Variants in HTR1F observed in about 807,000 individuals in gnomAD.
HTR1F encodes the protein 5-hydroxytryptamine receptor 1F.
A neutral mutation model predicts 24.0 loss-of-function variants in HTR1F; 17 were observed. The ratio of observed to expected loss-of-function variants is 0.71; its 90% CI spans 0.48 to 1.06. HTR1F has a LOEUF of 1.06. Ranked by LOEUF, HTR1F falls within the 50% of genes least tolerant of loss-of-function variation. The probability of loss-of-function intolerance (pLI) is 0.00; values close to 1 mark genes in which losing one functional copy is unlikely to be tolerated. For missense variants in HTR1F, 391 were observed against 427.8 expected (o/e 0.91, Z 0.76); for synonymous variants, 186 against 156.8 (o/e 1.19, Z -1.39).
intron 2 of HTR1F, among the ~76,000 whole-genome samples, chr3:87,978,935 A>AGGAAGGAAGGAAGGAAGG (rs1705462564): frequency 1.8e-5 from 2 of 110,626 alleles, no homozygotes; most frequent in African/African-American, 7.2e-5. Flanking sequence ...GAAGGAAGGA[A>AGGAAGGAAGGAAGGAAGG]AAGAGAGAGA....
At chr3:87,944,315 C>A (rs905869530) in intron 2 of HTR1F, among the ~76,000 whole-genome samples, 11 of 152,260 alleles carry the variant, frequency 7.2e-5, no homozygotes, top group Non-Finnish European at 1.3e-4. Flanking sequence ...TGTAGGTAAC[C>A]TTTTGAGTCA....
chr3:87,988,966 A>T (rs1705742565), intron 2 of HTR1F, among the ~76,000 whole-genome samples: 1 of 152,154 alleles, frequency 6.6e-6, no homozygotes, highest in South Asian at 2.1e-4. Context: ...TAAGTATTTT[A>T]AAGTATTAAT....
At chr3:87,824,442 A>G (rs1331010832) in intron 2 of HTR1F, among the ~76,000 whole-genome samples, 2 of 152,184 alleles carry the variant, frequency 1.3e-5, no homozygotes, top group Non-Finnish European at 2.9e-5. Flanking sequence ...CACTCTTCAT[A>G]GTGCATTATC....
chr3:87,796,207 G>A (rs935402568), intron 1 of HTR1F, among the ~76,000 whole-genome samples: 2 of 130,094 alleles, frequency 1.5e-5, no homozygotes, highest in African/African-American at 5.0e-5. Context: ...TGGAGGCAAA[G>A]GTGACAAGAC....
chr3:87,898,705 G>A (rs114001827), intron 2 of HTR1F, among the ~76,000 whole-genome samples: 1,657 of 151,618 alleles, frequency 0.011, 27 homozygotes, highest in African/African-American at 0.037. Context: ...TTTTTCTTAA[G>A]GGGTATTTGT....
At chr3:87,904,516 T>C (rs1238988329) in intron 2 of HTR1F, among the ~76,000 whole-genome samples, 3 of 152,126 alleles carry the variant, frequency 2.0e-5, no homozygotes, top group Non-Finnish European at 2.9e-5. Context: ...AACTGTGGTA[T>C]AGTCATAGCA....
chr3:87,964,707 T>C (rs1332887784), intron 2 of HTR1F, among the ~76,000 whole-genome samples: 1 of 152,178 alleles, frequency 6.6e-6, no homozygotes, highest in Admixed American at 6.5e-5. Context: ...ACCACTAGGA[T>C]CTGGAAAGAT....
chr3:87,876,909 T>C (rs1188828115), intron 2 of HTR1F, among the ~76,000 whole-genome samples: 1 of 152,182 alleles, frequency 6.6e-6, no homozygotes, highest in Non-Finnish European at 1.5e-5. Flanking sequence ...TACTGTACAC[T>C]TAAAAATCAC....
At chr3:87,958,238 C>T (rs1439596345) in intron 2 of HTR1F, among the ~76,000 whole-genome samples, 2 of 151,326 alleles carry the variant, frequency 1.3e-5, no homozygotes, top group Admixed American at 6.6e-5. Flanking sequence ...TAAATTAGAC[C>T]AAGGTGGAAA....
At chr3:87,943,153 C>G (rs1704611256) in intron 2 of HTR1F, among the ~76,000 whole-genome samples, 1 of 152,206 alleles carries the variant, frequency 6.6e-6, no homozygotes, top group Non-Finnish European at 1.5e-5. Flanking sequence ...ACACTGGCAA[C>G]TGCCTGCTGG....
chr3:87,958,312 GTTTT>G (rs935145266), intron 2 of HTR1F, among the ~76,000 whole-genome samples: 7 of 151,358 alleles, frequency 4.6e-5, no homozygotes, highest in African/African-American at 1.4e-4. Context: ...TTTTGTTTTT[GTTTT>G]GTTTTGTTTT....
chr3:87,894,042 G>A (rs1706145081), intron 2 of HTR1F, among the ~76,000 whole-genome samples: 1 of 151,490 alleles, frequency 6.6e-6, no homozygotes, highest in African/African-American at 2.4e-5. Flanking sequence ...GGTTTTGGGG[G>A]GAACAGGTGG....
At chr3:87,866,763 G>T (rs1705435285) in intron 2 of HTR1F, among the ~76,000 whole-genome samples, 1 of 151,570 alleles carries the variant, frequency 6.6e-6, no homozygotes, top group Non-Finnish European at 1.5e-5. Flanking sequence ...CTAATGAGCA[G>T]GAAAATTGTT....
chr3:87,814,072 T>C (rs975839564), intron 1 of HTR1F, among the ~76,000 whole-genome samples: 9 of 152,168 alleles, frequency 5.9e-5, no homozygotes, highest in African/African-American at 2.2e-4. Context: ...TAAGACCTAA[T>C]TGGTAAAGGT....
intron 2 of HTR1F, among the ~76,000 whole-genome samples, chr3:87,840,243 T>C (rs773792590): frequency 1.3e-5 from 2 of 152,160 alleles, no homozygotes; most frequent in Non-Finnish European, 2.9e-5. Context: ...CCCTTATAGA[T>C]CCTGGATATT....
chr3:87,884,173 G>C (rs999859212), intron 2 of HTR1F, among the ~76,000 whole-genome samples: 7 of 152,162 alleles, frequency 4.6e-5, no homozygotes, highest in Non-Finnish European at 8.8e-5. Context: ...AGCCACAAGG[G>C]AGTGGGGGCC....
chr3:87,962,976 T>C (rs533168078), intron 2 of HTR1F, among the ~76,000 whole-genome samples: 1 of 152,162 alleles, frequency 6.6e-6, no homozygotes, highest in East Asian at 1.9e-4. Flanking sequence ...TTTACTTTCT[T>C]GATAAATTCT....
chr3:87,907,193 A>AT (rs1340149546), intron 2 of HTR1F, among the ~76,000 whole-genome samples: 1 of 107,294 alleles, frequency 9.3e-6, no homozygotes, highest in Non-Finnish European at 1.7e-5. Flanking sequence ...CTATGCCAAC[A>AT]TTTATTTTTT....
intron 1 of HTR1F, among the ~76,000 whole-genome samples, chr3:87,815,114 G>T (rs1704226108): frequency 6.6e-6 from 1 of 152,186 alleles, no homozygotes; most frequent in Admixed American, 6.5e-5. Context: ...TATGGTATTT[G>T]CTACAAAAAT....
Sources: gnomAD v4.1 joint callset for allele counts (sites outside exome capture counted in the v4.1 genomes callset) on GRCh38, gnomAD v4.1.1 for gene constraint, MANE v1.5 for transcripts, NCBI Gene and HGNC (gene_info 2026-07-23, HGNC 2026-07-21) for gene names.